The following DLG2 variants were observed in gnomAD, a reference collection of about 807,000 sequenced individuals.
DLG2 encodes the protein discs large MAGUK scaffold protein 2, also known as disks large homolog 2.
In DLG2, 45 loss-of-function variants were observed where a neutral mutation model predicts 132.5. The observed-to-expected ratio is 0.34, with a 90% confidence interval of 0.27 to 0.44. The LOEUF (loss-of-function observed/expected upper bound fraction) is 0.44. DLG2 is among the 20% of genes least tolerant of loss of function. The probability of loss-of-function intolerance (pLI) is 1.00; values close to 1 mark genes in which losing one functional copy is unlikely to be tolerated. For missense variants in DLG2, 1,045 were observed against 1,196.9 expected, an observed-to-expected ratio of 0.87 and a Z score of 1.87; for synonymous variants, 424 against 419.6, an observed-to-expected ratio of 1.01 and a Z score of -0.13.
At chr11:85,277,159 A>G (rs2077941814) in intron 4 of DLG2, among the ~76,000 whole-genome samples, 1 of 152,180 alleles carries the variant, frequency 6.6e-6, no homozygotes, top group Non-Finnish European at 1.5e-5. Flanking sequence ...TGGCACAATA[A>G]TCTGTAAAAA....
chr11:84,825,026 T>C (rs1480083360), intron 6 of DLG2, among the ~76,000 whole-genome samples: 2 of 151,872 alleles, frequency 1.3e-5, no homozygotes, highest in Admixed American at 6.6e-5. Flanking sequence ...AGAAACACTA[T>C]TGAAAATCCT....
In DLG2 at chr11:85,082,507, T is replaced by G. The variant is rs565120381; in HGVS notation, c.357+29154A>C. 2.6e-5 allele frequency among the ~76,000 whole-genome samples: 4 copies of G among 151,948 alleles called. No individual in the cohort carries two copies. In the South Asian group the frequency reaches 8.3e-4, roughly 32 times the overall value. On this transcript the variant is annotated intron_variant, in intron 6 of 27. Transcript: ENST00000376104. ...AGAATCTCCCCATGACTGTTTAAAC[T>G]CCACCAAAAAAGCAGAAGACCCTAA...
chr11:83,611,817 G>A lies in DLG2; in HGVS notation c.1940+21394C>T, dbSNP rs772541245. Among the ~76,000 whole-genome samples, 215 of 152,204 alleles carry A rather than the reference G, an allele frequency of 1.4e-3. 7 individuals carry two copies. Among genetic ancestry groups the A allele is most frequent in the Admixed American group, 1.7e-3 (26 of 15,288 alleles). ...AGGGGACACTGAGGGCTTGTTGCCAGGTGGCAGCTGTCAAGGTGATTTAAT... is the reference window on the plus strand; with the variant it reads ...AGGGGACACTGAGGGCTTGTTGCCAAGTGGCAGCTGTCAAGGTGATTTAAT... On this transcript the variant is annotated intron_variant, in intron 19 of 27. Transcript: ENST00000376104.
intron 8 of DLG2, among the ~76,000 whole-genome samples, chr11:84,171,584 T>C (rs1034225140): frequency 6.6e-6 from 1 of 152,238 alleles, no homozygotes; most frequent in Admixed American, 6.5e-5. Context: ...TAGTATTCCA[T>C]TGTATACATA....
At chr11:84,080,098 T>C (rs1047642446) in intron 10 of DLG2, among the ~76,000 whole-genome samples, 3 of 152,104 alleles carry the variant, frequency 2.0e-5, no homozygotes, top group Non-Finnish European at 2.9e-5. Context: ...AGGTCCATGG[T>C]GGCAAAGATC....
intron 9 of DLG2, among the ~76,000 whole-genome samples, chr11:84,145,723 G>A (rs1199478558): frequency 6.6e-6 from 1 of 152,148 alleles, no homozygotes; most frequent in African/African-American, 2.4e-5. Flanking sequence ...ATAATCAGGT[G>A]GCAGAGGGTT....
chr11:84,647,106 A>G (rs2099675903), intron 6 of DLG2, among the ~76,000 whole-genome samples: 2 of 152,268 alleles, frequency 1.3e-5, no homozygotes, highest in South Asian at 4.1e-4. Context: ...GATAACATAT[A>G]TAATAAATAT....
chr11:84,717,356 G>T (rs938891721), intron 6 of DLG2, among the ~76,000 whole-genome samples: 4 of 151,970 alleles, frequency 2.6e-5, no homozygotes, highest in African/African-American at 7.2e-5. Flanking sequence ...ATTACTAAAA[G>T]ATTCAATGAA....
Position 83,828,103 on chromosome 11 carries a change from T to A in DLG2, c.1722+5511A>T, listed in dbSNP as rs536170201. Among the ~76,000 whole-genome samples, 369 of 152,232 alleles carry A rather than the reference T, an allele frequency of 2.4e-3. 2 individuals carry two copies. Among genetic ancestry groups the A allele is most frequent in the African/African-American group, 7.9e-3 (327 of 41,534 alleles). ...TATAATGGAGCTTCAGGACCCTCCA[T>A]CTTCAGGTTGCTAAGTAATGTGTTT... On this transcript the variant is annotated intron_variant, in intron 17 of 27. Transcript: ENST00000376104.
At chr11:83,847,046 A>C (rs2058772540) in intron 16 of DLG2, among the ~76,000 whole-genome samples, 2 of 152,112 alleles carry the variant, frequency 1.3e-5, no homozygotes, top group South Asian at 4.2e-4. Flanking sequence ...TAATAACAAC[A>C]ATTTGCTTTT....
At chr11:83,693,397 C>T (rs1287813416) in intron 18 of DLG2, among the ~76,000 whole-genome samples, 1 of 152,134 alleles carries the variant, frequency 6.6e-6, no homozygotes, top group African/African-American at 2.4e-5. Flanking sequence ...GTTTTGCCCT[C>T]CAGTCCCTTC....
intron 22 of DLG2, among the ~76,000 whole-genome samples, chr11:83,478,277 G>A (rs754578097): frequency 2.0e-5 from 3 of 151,868 alleles, no homozygotes; most frequent in African/African-American, 4.8e-5. Context: ...TCTTACTTTT[G>A]TTCATTTGTA....
intron 3 of DLG2, among the ~76,000 whole-genome samples, chr11:85,597,109 T>G (rs1473771037): frequency 1.3e-5 from 2 of 151,602 alleles, no homozygotes; most frequent in Admixed American, 6.5e-5. Flanking sequence ...ATCATTCACT[T>G]AAAATAATGG....
intron 3 of DLG2, among the ~76,000 whole-genome samples, chr11:85,455,065 C>G (rs907564374): frequency 6.6e-6 from 1 of 152,082 alleles, no homozygotes. Context: ...TAAAGAATGT[C>G]ATTGATAGTT....
intron 7 of DLG2, among the ~76,000 whole-genome samples, chr11:84,516,819 C>T (rs1415503759): frequency 6.7e-6 from 1 of 150,012 alleles, no homozygotes; most frequent in Non-Finnish European, 1.5e-5. Context: ...TGCAATAATC[C>T]TCAACATAAT....
intron 4 of DLG2, among the ~76,000 whole-genome samples, chr11:85,269,861 G>A (rs1213400256): frequency 6.6e-6 from 1 of 152,060 alleles, no homozygotes; most frequent in East Asian, 1.9e-4. Context: ...TAAATTTTCT[G>A]TATCTTAGAT....
At chr11:84,278,881 G>C (rs948987790) in intron 7 of DLG2, among the ~76,000 whole-genome samples, 3 of 151,936 alleles carry the variant, frequency 2.0e-5, no homozygotes, top group Non-Finnish European at 4.4e-5. Context: ...TTGTTACACA[G>C]ATATACATGT....
At chr11:85,302,670 C>A (rs943489316) in intron 3 of DLG2, among the ~76,000 whole-genome samples, 1 of 149,274 alleles carries the variant, frequency 6.7e-6, no homozygotes, top group Non-Finnish European at 1.5e-5. Flanking sequence ...AAAAAACAGT[C>A]AGTTAGTTGA....
intron 6 of DLG2, among the ~76,000 whole-genome samples, chr11:84,787,249 A>G (rs927338033): frequency 6.6e-6 from 1 of 152,014 alleles, no homozygotes; most frequent in African/African-American, 2.4e-5. Flanking sequence ...GCTTCTCCAT[A>G]AGACTCCATT....
Sources: allele counts gnomAD v4.1 joint callset (sites outside exome capture counted in the v4.1 genomes callset), GRCh38; gene constraint gnomAD v4.1.1; transcripts MANE v1.5; gene names NCBI Gene and HGNC (gene_info 2026-07-23, HGNC 2026-07-21).